The following MYOM1 variants were observed in gnomAD, a reference collection of about 807,000 sequenced individuals.
MYOM1 encodes myomesin-1.
In MYOM1, 164 loss-of-function variants were observed where a neutral mutation model predicts 205.3. That is an observed-to-expected ratio of 0.80 (90% confidence interval 0.70 to 0.91). The LOEUF is 0.91. Among genes scored for constraint, MYOM1 ranks in the 40% least tolerant of loss-of-function variants. The pLI is 0.00. For missense variants in MYOM1, 2,011 were observed against 2,127.3 expected, an observed-to-expected ratio of 0.95 and a Z score of 1.08; for synonymous variants, 772 against 789.4, an observed-to-expected ratio of 0.98 and a Z score of 0.37.
At chr18:3,193,743 C>A in intron 3 of MYOM1, 75 bp downstream of exon 3, 1 of 1,417,060 alleles carries the variant, frequency 7.1e-7, no homozygotes, top group Non-Finnish European at 9.6e-7. Flanking sequence ...ACAATTATGA[C>A]TATAATCTGC....
At position 3,209,377 on chromosome 18, in the gene MYOM1, C is replaced by G. The variant is rs941477322; in HGVS notation, c.290+5557G>C. On this transcript the variant is annotated intron_variant, in intron 2 of 37. Coordinates refer to ENST00000356443, the MANE Select transcript of MYOM1 (RefSeq NM_003803.4). This position sits in a 1 kb window ranked among gnomAD's most constrained non-coding sequence, Gnocchi z 4.0. ...GCTCTTACTGCACATCTGGCCCTGG[C>G]TGGACTACAGCACTAGCCTCCTAAC... 2.0e-5 allele frequency among the ~76,000 whole-genome samples: 3 copies of G among 152,220 alleles called. No individual in the cohort carries two copies. The highest frequency in any genetic ancestry group is 4.4e-5 in the Non-Finnish European group (3 of 68,040).
the MYOM1 span, among the ~76,000 whole-genome samples, chr18:3,227,546 C>T: frequency 2.0e-5 from 3 of 152,078 alleles, no homozygotes; most frequent in African/African-American, 7.2e-5. Flanking sequence ...GAGCCGGGCG[C>T]GGTGGCTCAC....
chr18:3,181,980 C>T (rs967359576), intron 5 of MYOM1, among the ~76,000 whole-genome samples: 4 of 152,156 alleles, frequency 2.6e-5, no homozygotes, highest in Admixed American at 6.5e-5. Context: ...GTAATCCGCC[C>T]GACTCGGCCT....
At chr18:3,136,149 G>T (rs143998833) in intron 14 of MYOM1, among the ~76,000 whole-genome samples, 4 of 151,906 alleles carry the variant, frequency 2.6e-5, no homozygotes, top group Admixed American at 2.6e-4. Flanking sequence ...CGTGTAAGAC[G>T]TGCCTTTCGC....
chr18:3,231,600 C>T, the MYOM1 span, among the ~76,000 whole-genome samples: 4 of 140,722 alleles, frequency 2.8e-5, no homozygotes, highest in African/African-American at 5.4e-5. Context: ...TGTGCAATGG[C>T]GCGATCTTGG....
chr18:3,144,559 A>G (rs1448759837), intron 13 of MYOM1, among the ~76,000 whole-genome samples: 1 of 152,192 alleles, frequency 6.6e-6, no homozygotes, highest in Non-Finnish European at 1.5e-5. Context: ...TTTAAAAAGC[A>G]AGACCCAAAT....
intron 5 of MYOM1, among the ~76,000 whole-genome samples, chr18:3,181,218 G>T (rs192485354): frequency 6.6e-6 from 1 of 152,094 alleles, no homozygotes; most frequent in Non-Finnish European, 1.5e-5. Context: ...GAACCACCAC[G>T]CCCGGCCAAA....
chr18:3,122,477 G>T (rs2079709858), intron 19 of MYOM1, among the ~76,000 whole-genome samples: 1 of 151,986 alleles, frequency 6.6e-6, no homozygotes, highest in South Asian at 2.1e-4. Context: ...AATTCATAAG[G>T]CAACATTTTA....
chr18:3,175,375 C>T (rs2080622988), intron 6 of MYOM1, among the ~76,000 whole-genome samples: 1 of 152,152 alleles, frequency 6.6e-6, no homozygotes, highest in African/African-American at 2.4e-5. Context: ...TTTAGCTTTT[C>T]ATTGACCTAA....
intron 36 of MYOM1, among the ~76,000 whole-genome samples, chr18:3,072,370 T>TTTTTTTG (rs768555182): frequency 1.3e-4 from 15 of 115,938 alleles, no homozygotes; most frequent in East Asian, 2.6e-4. Context: ...TTTTTTTTTT[T>TTTTTTTG]TGAGGCAGAG....
chr18:3,130,306 G>T (rs546172754), intron 17 of MYOM1, among the ~76,000 whole-genome samples: 4 of 152,110 alleles, frequency 2.6e-5, no homozygotes, highest in Non-Finnish European at 1.5e-5. Flanking sequence ...GCCTCCCAAA[G>T]TGCTGGGATT....
chr18:3,129,749 A>AAAAGAAGAAATGAGAG (rs2079848838), intron 17 of MYOM1, among the ~76,000 whole-genome samples: 1 of 152,216 alleles, frequency 6.6e-6, no homozygotes, highest in African/African-American at 2.4e-5. Flanking sequence ...AGAAATGAGA[A>AAAAGAAGAAATGAGAG]CAAAGAAGCC....
intron 16 of MYOM1, among the ~76,000 whole-genome samples, chr18:3,133,302 T>C (rs549146103): frequency 1.3e-3 from 197 of 152,236 alleles, no homozygotes; most frequent in African/African-American, 4.2e-3. Flanking sequence ...GACTGAGAAG[T>C]GATCCAAGCC....
In MYOM1 at chr18:3,067,413, A is replaced by G. The variant is rs1242214025; in HGVS notation, c.4907T>C (p.Val1636Ala). 12 of 1,613,526 alleles carry G rather than the reference A, an allele frequency of 7.4e-6. No individual in the cohort carries two copies. In the South Asian group the frequency reaches 1.2e-4, roughly 16 times the overall value. Reference protein sequence around the residue: ...GRTAYFTINGVSTADSGKYGL... With the variant: ...GRTAYFTINGASTADSGKYGL... ...GTATTTGCCCGAGTCAGCGGTGCTC[A>G]CGCCGTTGATGGTGAAGTACGCGGT... Residue 1636 changes from valine (V) to alanine (A), a missense_variant, in exon 38 of 38, where the codon GTG becomes GCG. Physicochemically the swap from Val to Ala is moderately conservative, Grantham distance 64. Transcript: ENST00000356443.
chr18:3,229,971 C>T, the MYOM1 span, among the ~76,000 whole-genome samples: 17 of 69,322 alleles, frequency 2.5e-4, no homozygotes, highest in Non-Finnish European at 4.4e-4. Context: ...AGTGAAACTC[C>T]ATCTCAAAAA....
intron 1 of MYOM1, among the ~76,000 whole-genome samples, chr18:3,215,837 T>C (rs2144264096): frequency 6.6e-6 from 1 of 152,312 alleles, no homozygotes; most frequent in South Asian, 2.1e-4. Context: ...ATAATACATA[T>C]TTCTAATTTT....
intron 19 of MYOM1, among the ~76,000 whole-genome samples, chr18:3,126,072 C>A (rs1217808424): frequency 6.6e-6 from 1 of 152,000 alleles, no homozygotes; most frequent in Admixed American, 6.6e-5. Context: ...AGTTTGAGAC[C>A]AGCCTGGCCA....
chr18:3,176,437 G>A (rs762802420), intron 5 of MYOM1, among the ~76,000 whole-genome samples: 10 of 151,162 alleles, frequency 6.6e-5, no homozygotes, highest in Admixed American at 2.6e-4. Context: ...ACAAAACAGT[G>A]CACAGCAGAA....
chr18:3,104,827 G>A (rs777597579), intron 22 of MYOM1, among the ~76,000 whole-genome samples: 4 of 131,134 alleles, frequency 3.1e-5, no homozygotes, highest in South Asian at 2.4e-4. Flanking sequence ...ATCTTGCCTC[G>A]CTGTGGCCTT....
Sources: gnomAD v4.1 joint callset for allele counts (sites outside exome capture counted in the v4.1 genomes callset) on GRCh38, gnomAD v4.1.1 for gene constraint, Gnocchi (gnomAD v3.1) non-coding constraint, MANE v1.5 for transcripts, NCBI Gene and HGNC (gene_info 2026-07-23, HGNC 2026-07-21) for gene names.